Variants in NPAS3 observed in about 807,000 individuals in gnomAD.
NPAS3 encodes the protein neuronal PAS domain protein 3, also known as neuronal PAS domain-containing protein 3.
NPAS3 carries 14 observed loss-of-function variants against 73.1 expected under a neutral mutation model. That is an observed-to-expected ratio of 0.19 (90% CI 0.13 to 0.30). NPAS3 has a LOEUF of 0.30. Among genes scored for constraint, NPAS3 ranks in the 10% least tolerant of loss-of-function variants. The probability of loss-of-function intolerance (pLI) is 1.00; values close to 1 mark genes in which losing one functional copy is unlikely to be tolerated. For synonymous variants in NPAS3, 620 were observed against 541.5 expected, an observed-to-expected ratio of 1.14 and a Z score of -2.01; for missense variants, 1,096 against 1,250.0, an observed-to-expected ratio of 0.88 and a Z score of 1.86.
intron 4 of NPAS3, among the ~76,000 whole-genome samples, chr14:33,380,328 G>T (rs532510388): frequency 2.6e-5 from 4 of 152,012 alleles, no homozygotes; most frequent in Admixed American, 6.6e-5. Flanking sequence ...AACAAGAAAG[G>T]CACTGTAGGG....
chr14:33,384,422 A>T (rs544067144), intron 4 of NPAS3, among the ~76,000 whole-genome samples: 2,730 of 129,086 alleles, frequency 0.021, 51 homozygotes, highest in African/African-American at 0.047. Context: ...GTGTTTTTTT[A>T]AAAAAAAAAA....
At chr14:33,304,068 C>T (rs1421476501) in intron 3 of NPAS3, among the ~76,000 whole-genome samples, 3 of 152,104 alleles carry the variant, frequency 2.0e-5, no homozygotes, top group South Asian at 2.1e-4. Flanking sequence ...CAACCACGCC[C>T]GACCAATTTT....
At chr14:32,967,532 G>A (rs2037226528) in intron 1 of NPAS3, among the ~76,000 whole-genome samples, 2 of 152,132 alleles carry the variant, frequency 1.3e-5, no homozygotes, top group African/African-American at 4.8e-5. Context: ...CAAGACATCT[G>A]AATAGCTATT....
chr14:32,970,991 A>G (rs993939830), intron 1 of NPAS3, among the ~76,000 whole-genome samples: 3 of 151,738 alleles, frequency 2.0e-5, no homozygotes. Flanking sequence ...TGTTATTACC[A>G]TTTCAGAAAT....
chr14:33,216,830 C>T (rs995653071), intron 3 of NPAS3, among the ~76,000 whole-genome samples: 5 of 152,164 alleles, frequency 3.3e-5, no homozygotes, highest in Admixed American at 6.5e-5. Context: ...ACAGAGGTAC[C>T]TCTCAAGGAC....
chr14:33,376,113 C>T (rs1232215526), intron 4 of NPAS3, among the ~76,000 whole-genome samples: 1 of 152,126 alleles, frequency 6.6e-6, no homozygotes, highest in East Asian at 1.9e-4. Flanking sequence ...AAAACAGACA[C>T]ACAGGATCAA....
intron 2 of NPAS3, among the ~76,000 whole-genome samples, chr14:33,208,883 T>G (rs1221964105): frequency 6.6e-6 from 1 of 152,224 alleles, no homozygotes; most frequent in Non-Finnish European, 1.5e-5. Context: ...TTTACTGACG[T>G]GTTTCTGCAG....
In NPAS3 at chr14:33,669,498, C is replaced by T. The variant is rs141062670; in HGVS notation, c.559-6713C>T. 4.8e-4 allele frequency among the ~76,000 whole-genome samples: 73 copies of T among 152,306 alleles called. 1 individual carries two copies. Among genetic ancestry groups the T allele is most frequent in the African/African-American group, 1.6e-3 (65 of 41,554 alleles). On this transcript the variant is annotated intron_variant, in intron 5 of 11. Coordinates refer to ENST00000356141, the Ensembl canonical transcript of NPAS3. ...TAAGGAAAAGAAAAGGATATTGACA[C>T]ATGAATACTGTTCTAAAACCACTGC...
At chr14:33,050,312 T>C (rs1362931490) in intron 1 of NPAS3, among the ~76,000 whole-genome samples, 2 of 152,192 alleles carry the variant, frequency 1.3e-5, no homozygotes, top group African/African-American at 2.4e-5. Flanking sequence ...CTTCAACCCA[T>C]TGGACCCAAG....
intron 4 of NPAS3, among the ~76,000 whole-genome samples, chr14:33,505,254 T>G (rs1429144832): frequency 1.1e-4 from 17 of 151,736 alleles, no homozygotes. Flanking sequence ...AATTGGCAGC[T>G]CAAGATAAAT....
At chr14:32,949,473 A>G (rs2036397335) in intron 1 of NPAS3, among the ~76,000 whole-genome samples, 1 of 152,098 alleles carries the variant, frequency 6.6e-6, no homozygotes, top group Admixed American at 6.6e-5. Flanking sequence ...CAGATAAACC[A>G]GTAATGAAAT....
chr14:33,177,109 T>TATTA (rs1354243278), intron 2 of NPAS3, among the ~76,000 whole-genome samples: 1 of 145,160 alleles, frequency 6.9e-6, no homozygotes, highest in Non-Finnish European at 1.5e-5. Flanking sequence ...TTATTATTAT[T>TATTA]ATCTTTGAGA....
chr14:33,040,958 A>G (rs1444680781), intron 1 of NPAS3, among the ~76,000 whole-genome samples: 1 of 152,190 alleles, frequency 6.6e-6, no homozygotes, highest in Non-Finnish European at 1.5e-5. Context: ...TTTCTTGAAC[A>G]GGAAACCACA....
intron 3 of NPAS3, among the ~76,000 whole-genome samples, chr14:33,290,580 C>T (rs1285062474): frequency 6.6e-6 from 1 of 152,226 alleles, no homozygotes; most frequent in Non-Finnish European, 1.5e-5. Context: ...TCAGCAGTTG[C>T]ATTTCCTTCC....
At chr14:33,565,857 C>G (rs1318241089) in intron 5 of NPAS3, among the ~76,000 whole-genome samples, 4 of 151,964 alleles carry the variant, frequency 2.6e-5, no homozygotes, top group African/African-American at 9.7e-5. Context: ...TATGGCCCCC[C>G]TTTTCAAAAC....
intron 4 of NPAS3, among the ~76,000 whole-genome samples, chr14:33,410,093 T>C (rs2047855805): frequency 6.6e-6 from 1 of 152,140 alleles, no homozygotes; most frequent in Non-Finnish European, 1.5e-5. Context: ...GTAAACTTAT[T>C]TCATTAATCC....
At chr14:33,728,280 G>A (rs1161340138) in intron 6 of NPAS3, among the ~76,000 whole-genome samples, 1 of 152,134 alleles carries the variant, frequency 6.6e-6, no homozygotes, top group Non-Finnish European at 1.5e-5. Context: ...GGCATTGGTT[G>A]GCAGACTATT....
At chr14:33,600,094 A>G (rs1037219426) in intron 5 of NPAS3, among the ~76,000 whole-genome samples, 13 of 152,226 alleles carry the variant, frequency 8.5e-5, no homozygotes, top group African/African-American at 2.4e-4. Context: ...TTTGCACAGA[A>G]CAAATCTAGA....
chr14:33,106,650 C>T (rs1341474512), intron 2 of NPAS3, among the ~76,000 whole-genome samples: 1 of 152,084 alleles, frequency 6.6e-6, no homozygotes, highest in Non-Finnish European at 1.5e-5. Flanking sequence ...TAAGTACAAG[C>T]TAATGAGAAA....
Sources: allele counts gnomAD v4.1 joint callset (sites outside exome capture counted in the v4.1 genomes callset), GRCh38; gene constraint gnomAD v4.1.1; transcripts MANE v1.5; gene names NCBI Gene and HGNC (gene_info 2026-07-23, HGNC 2026-07-21).